Variants in RAI14 observed in about 807,000 individuals in gnomAD.
RAI14 encodes the protein retinoic acid induced 14, also known as ankycorbin.
RAI14 carries 45 observed loss-of-function variants against 115.4 expected under a neutral mutation model. That is an observed-to-expected ratio of 0.39 (90% CI 0.31 to 0.50). The LOEUF (loss-of-function observed/expected upper bound fraction) is 0.50. Ranked by LOEUF, RAI14 falls within the 20% of genes least tolerant of loss-of-function variation. RAI14 has a pLI of 0.85. For missense variants in RAI14, 939 were observed against 1,131.2 expected (o/e 0.83, Z 2.44); for synonymous variants, 371 against 415.4 (o/e 0.89, Z 1.30).
chr5:34,661,194 T>C (rs1269257666), intron 1 of RAI14, among the ~76,000 whole-genome samples: 1 of 152,184 alleles, frequency 6.6e-6, no homozygotes, highest in Non-Finnish European at 1.5e-5. Flanking sequence ...GGTCTTTCCT[T>C]TGGTGTCGTG....
rs1436487858 is a variant in RAI14, at chr5:34,711,009, T to TG, written c.36+24060dup. On this transcript the variant is annotated intron_variant, in intron 2 of 17. Coordinates refer to ENST00000265109, the MANE Select transcript of RAI14 (RefSeq NM_015577.3). The stretch of plus-strand genomic sequence containing the variant: ...GTTTGACCTGGTCAAAGAGAAGTGA[T>TG]GGGGGGTGCTATGGACTGAATGTTT... Among the ~76,000 whole-genome samples the TG allele has an allele frequency of 1.3e-5, 2 of 152,150 alleles. 1 individual carries two copies. The highest frequency in any genetic ancestry group is 2.9e-5 in the Non-Finnish European group (2 of 68,018).
intron 2 of RAI14, among the ~76,000 whole-genome samples, chr5:34,746,352 G>A (rs1006474442): frequency 6.7e-6 from 1 of 149,912 alleles, no homozygotes; most frequent in African/African-American, 2.5e-5. Flanking sequence ...TGATCTGCCT[G>A]CCTCAGCCTC....
chr5:34,703,582 C>G (rs997809067), intron 2 of RAI14, among the ~76,000 whole-genome samples: 3 of 152,112 alleles, frequency 2.0e-5, no homozygotes, highest in Non-Finnish European at 2.9e-5. Context: ...AAGACAGATC[C>G]AAGTTTTGTG....
At position 34,824,460 on chromosome 5, in the gene RAI14, C is replaced by T; in HGVS notation, c.2618C>T (p.Ser873Phe). 2 of 1,583,720 alleles carry T rather than the reference C, an allele frequency of 1.3e-6. No individual in the cohort carries two copies. The highest frequency in any genetic ancestry group is 2.3e-5 in the South Asian group (2 of 86,026). ...GAAATGAAAAGATACGCTGAGAGCT[C>T]TTCAAAACTGGAGGAAGATAAAGAT... ...LAEMKRYAES[S>F]SKLEEDKDKK... The change falls in exon 15 of 18, where the codon TCT (serine) becomes TTT (phenylalanine). Residue 873 changes from serine (S) to phenylalanine (F), a missense_variant. By Grantham distance (155) the Ser-to-Phe change is radical (BLOSUM62 -2). Transcript: ENST00000265109.
At position 34,690,915 on chromosome 5, in the gene RAI14, GA is replaced by G. The variant is rs1012939814; in HGVS notation, c.36+3967del. 3.9e-5 allele frequency among the ~76,000 whole-genome samples: 6 copies of G among 152,178 alleles called. No individual in the cohort carries two copies. In the East Asian group the frequency reaches 1.2e-3, roughly 29 times the overall value. On this transcript the variant is annotated intron_variant, in intron 2 of 17. Coordinates refer to ENST00000265109, the MANE Select transcript of RAI14 (RefSeq NM_015577.3). The stretch of plus-strand genomic sequence containing the variant: ...AGGTTGATAAACCTCGGTGGGAGGA[GA>G]AAAAAACATATAGGAAATAACTAGA...
intron 2 of RAI14, among the ~76,000 whole-genome samples, chr5:34,754,161 C>T (rs971999774): frequency 5.9e-5 from 9 of 152,020 alleles, no homozygotes; most frequent in Non-Finnish European, 1.2e-4. Context: ...GAAATATCTC[C>T]GTGGGCAAGT....
chr5:34,747,012 C>T (rs1746341625), intron 2 of RAI14, among the ~76,000 whole-genome samples: 1 of 152,152 alleles, frequency 6.6e-6, no homozygotes. Context: ...TGCCTTTTGC[C>T]TCCTGCCATG....
intron 2 of RAI14, among the ~76,000 whole-genome samples, chr5:34,707,673 T>C (rs530949816): frequency 6.6e-6 from 1 of 152,288 alleles, no homozygotes; most frequent in Admixed American, 6.5e-5. Flanking sequence ...ACATCTTAAT[T>C]GAAGTGTATT....
At chr5:34,740,359 G>A (rs757806094) in intron 2 of RAI14, among the ~76,000 whole-genome samples, 40 of 152,150 alleles carry the variant, frequency 2.6e-4, no homozygotes, top group South Asian at 2.1e-4. Flanking sequence ...TACTTGAGTC[G>A]AATTTTCCTG....
At chr5:34,783,525 C>T (rs1020356207) in intron 3 of RAI14, among the ~76,000 whole-genome samples, 1 of 152,174 alleles carries the variant, frequency 6.6e-6, no homozygotes, top group African/African-American at 2.4e-5. Flanking sequence ...TTGGATTTCT[C>T]CCACCAAACC....
At chr5:34,660,890 G>A (rs1742640852) in intron 1 of RAI14, among the ~76,000 whole-genome samples, 1 of 151,308 alleles carries the variant, frequency 6.6e-6, no homozygotes, top group Non-Finnish European at 1.5e-5. Flanking sequence ...GCCTTTGCAT[G>A]TGCTCTTCCC....
intron 2 of RAI14, among the ~76,000 whole-genome samples, chr5:34,729,687 A>C (rs985475013): frequency 6.6e-6 from 1 of 152,214 alleles, no homozygotes; most frequent in Non-Finnish European, 1.5e-5. Context: ...AATCAAGAGC[A>C]TGAGCCACTC....
At chr5:34,825,474 A>G (rs1320082936) in intron 15 of RAI14, among the ~76,000 whole-genome samples, 1 of 152,186 alleles carries the variant, frequency 6.6e-6, no homozygotes, top group South Asian at 2.1e-4. Context: ...AGATTCCTCC[A>G]TAATATGAAA....
At chr5:34,683,827 A>G (rs1744575641) in intron 1 of RAI14, among the ~76,000 whole-genome samples, 1 of 151,434 alleles carries the variant, frequency 6.6e-6, no homozygotes, top group Admixed American at 6.6e-5. Flanking sequence ...TCCCGGGTTC[A>G]CGCCATTCTC....
At chr5:34,688,350 G>A in intron 2 of RAI14, 1 of 1,201,050 alleles carries the variant, frequency 8.3e-7, no homozygotes, top group Non-Finnish European at 1.2e-6. Flanking sequence ...AATCTAGGTA[G>A]CTTTCATTTA....
At position 34,823,002 on chromosome 5, in the gene RAI14, A is replaced by G. The variant is rs762474724; in HGVS notation, c.1160A>G (p.Tyr387Cys). ...EAEADLSFDS[Y>C]HSTQTDLGPS... is the part of the protein sequence containing the mutation. ...GAAGCAGACCTAAGCTTTGACTCAT[A>G]CCATTCCACCCAAACTGACTTGGGC... is the stretch of plus-strand genomic sequence containing the variant. The change falls in exon 15 of 18, where the codon TAC becomes TGC. Residue 387 changes from tyrosine to cysteine, a missense_variant. Transcript: ENST00000265109. This position sits in a 1 kb window ranked among gnomAD's most constrained non-coding sequence, Gnocchi z 4.5. 1 of 1,613,966 alleles carries G rather than the reference A, an allele frequency of 6.2e-7. No individual in the cohort carries two copies. The highest frequency in any genetic ancestry group is 1.7e-5 in the Admixed American group (1 of 59,990).
At chr5:34,728,746 CT>C (rs886843301) in intron 2 of RAI14, 2 of 151,622 alleles carry the variant, frequency 1.3e-5, no homozygotes, top group Non-Finnish European at 2.9e-5. Context: ...CTAATACACC[CT>C]GTTTCTACAA....
intron 1 of RAI14, among the ~76,000 whole-genome samples, chr5:34,683,358 G>A (rs1160110383): frequency 2.6e-5 from 4 of 151,658 alleles, no homozygotes; most frequent in African/African-American, 7.3e-5. Flanking sequence ...CCCTTCCCTT[G>A]GGAACTTTTG....
chr5:34,720,629 C>G (rs1742582948), intron 2 of RAI14, among the ~76,000 whole-genome samples: 1 of 151,906 alleles, frequency 6.6e-6, no homozygotes, highest in Non-Finnish European at 1.5e-5. Flanking sequence ...CCAGGGTGGT[C>G]TCGATCTCCT....
Sources: allele counts gnomAD v4.1 joint callset (sites outside exome capture counted in the v4.1 genomes callset), GRCh38; gene constraint gnomAD v4.1.1; non-coding constraint Gnocchi (gnomAD v3.1); transcripts MANE v1.5; gene names NCBI Gene and HGNC (gene_info 2026-07-23, HGNC 2026-07-21).